Variants in LYPLAL1 observed in about 807,000 individuals in gnomAD.
The protein encoded by LYPLAL1 is lysophospholipase-like protein 1.
A neutral mutation model predicts 19.7 loss-of-function variants in LYPLAL1; 23 were observed. That is an observed-to-expected ratio of 1.17 (90% CI 0.84 to 1.65). The LOEUF is 1.65. LYPLAL1 is among the 40% of genes most tolerant of loss of function. LYPLAL1 has a pLI of 0.00. For synonymous variants in LYPLAL1, 119 were observed against 96.3 expected (o/e 1.24, Z -1.38); for missense variants, 355 against 279.4 (o/e 1.27, Z -1.93).
chr1:219,221,237 G>A, the LYPLAL1 span, among the ~76,000 whole-genome samples: 1 of 152,180 alleles, frequency 6.6e-6, no homozygotes, highest in Non-Finnish European at 1.5e-5. Flanking sequence ...CCACCCAGTG[G>A]ACACCAGCAG....
chr1:219,387,081 T>G, the LYPLAL1 span, among the ~76,000 whole-genome samples: 2 of 152,160 alleles, frequency 1.3e-5, no homozygotes, highest in Admixed American at 6.5e-5. Flanking sequence ...AAATCCTGCA[T>G]AATCTGGACA....
chr1:219,350,109 T>C, the LYPLAL1 span, among the ~76,000 whole-genome samples: 1 of 152,334 alleles, frequency 6.6e-6, no homozygotes, highest in East Asian at 1.9e-4. Context: ...TTCAAATTAA[T>C]TTGTGTGGAT....
chr1:219,210,432 A>T, intron 3 of LYPLAL1, 100 bp from the exon 4 acceptor site: 1 of 820,648 alleles, frequency 1.2e-6, no homozygotes, highest in Non-Finnish European at 1.8e-6. Flanking sequence ...CATTCTCTTT[A>T]AAGGTCTCCA....
the LYPLAL1 span, among the ~76,000 whole-genome samples, chr1:219,241,124 CTCTCTCTCTCTATATATATATATA>C: frequency 1.1e-5 from 1 of 93,362 alleles, no homozygotes; most frequent in Non-Finnish European, 2.3e-5. Flanking sequence ...CTCTCTCTCT[CTCTCTCTCTCTATATATATATATA>C]TATATATATA....
At chr1:219,249,885 T>A in the LYPLAL1 span, among the ~76,000 whole-genome samples, 2 of 152,012 alleles carry the variant, frequency 1.3e-5, no homozygotes, top group African/African-American at 2.4e-5. Flanking sequence ...CATTTGCTTT[T>A]TGTTTGTTTA....
chr1:219,353,547 G>A, the LYPLAL1 span, among the ~76,000 whole-genome samples: 3 of 152,186 alleles, frequency 2.0e-5, no homozygotes, highest in African/African-American at 7.2e-5. Flanking sequence ...AGGACCTCAG[G>A]AGTAAACTAA....
the LYPLAL1 span, among the ~76,000 whole-genome samples, chr1:219,380,070 C>T: frequency 5.3e-5 from 8 of 152,224 alleles, no homozygotes; most frequent in African/African-American, 1.9e-4. Flanking sequence ...GTCTACCATA[C>T]TTACTTCATC....
At chr1:219,320,393 G>A in the LYPLAL1 span, among the ~76,000 whole-genome samples, 2 of 151,848 alleles carry the variant, frequency 1.3e-5, no homozygotes, top group South Asian at 2.1e-4. Context: ...CTTCTTGATC[G>A]TCAAGATTAA....
downstream of LYPLAL1, among the ~76,000 whole-genome samples, chr1:219,216,495 A>G (rs1042424641): frequency 6.6e-6 from 1 of 152,040 alleles, no homozygotes; most frequent in Admixed American, 6.6e-5. Context: ...TTGCCACACT[A>G]CTCAAGCAAT....
chr1:219,202,457 C>A (rs911531298), intron 3 of LYPLAL1, among the ~76,000 whole-genome samples: 1 of 152,114 alleles, frequency 6.6e-6, no homozygotes, highest in African/African-American at 2.4e-5. Flanking sequence ...TTTTTCATTG[C>A]TCCTAGATTA....
the LYPLAL1 span, among the ~76,000 whole-genome samples, chr1:219,325,509 T>C: frequency 2.0e-5 from 3 of 152,208 alleles, no homozygotes; most frequent in Admixed American, 2.0e-4. Flanking sequence ...ATAGCAATAC[T>C]CTATCATCAT....
At chr1:219,252,193 A>C in the LYPLAL1 span, among the ~76,000 whole-genome samples, 1 of 152,028 alleles carries the variant, frequency 6.6e-6, no homozygotes, top group Non-Finnish European at 1.5e-5. Flanking sequence ...GGCTGAGACT[A>C]TGGGATCTTC....
At chr1:219,348,943 A>T in the LYPLAL1 span, among the ~76,000 whole-genome samples, 5 of 152,222 alleles carry the variant, frequency 3.3e-5, no homozygotes, top group Non-Finnish European at 7.3e-5. Flanking sequence ...GGCAATCTCT[A>T]CTATCACCAT....
chr1:219,221,133 G>C, the LYPLAL1 span, among the ~76,000 whole-genome samples: 2 of 152,158 alleles, frequency 1.3e-5, no homozygotes, highest in Non-Finnish European at 2.9e-5. Context: ...AGAGCTGTGA[G>C]AACAGCCTTC....
the LYPLAL1 span, among the ~76,000 whole-genome samples, chr1:219,240,601 C>T: frequency 3.3e-5 from 5 of 152,114 alleles, no homozygotes; most frequent in East Asian, 3.9e-4. Context: ...TAACTTTTTG[C>T]TCCCTATGAT....
the LYPLAL1 span, among the ~76,000 whole-genome samples, chr1:219,367,498 CCT>C: frequency 6.6e-6 from 1 of 151,970 alleles, no homozygotes; most frequent in African/African-American, 2.4e-5. Context: ...AAAATTAACC[CCT>C]TTTTCCATTT....
the LYPLAL1 span, among the ~76,000 whole-genome samples, chr1:219,274,056 G>A: frequency 6.6e-6 from 1 of 152,160 alleles, no homozygotes. Flanking sequence ...CACCACGCCT[G>A]GCCCTGTATG....
At chr1:219,426,019 G>T in the LYPLAL1 span, among the ~76,000 whole-genome samples, 1 of 152,006 alleles carries the variant, frequency 6.6e-6, no homozygotes, top group Admixed American at 6.6e-5. Context: ...TTATGTGCAG[G>T]TGTAAGATCC....
At chr1:219,256,133 TTA>T in the LYPLAL1 span, among the ~76,000 whole-genome samples, 19 of 152,044 alleles carry the variant, frequency 1.2e-4, no homozygotes, top group African/African-American at 4.1e-4. Context: ...AGAAGAGTTT[TTA>T]TAATAACATA....
Sources: gnomAD v4.1 joint callset for allele counts (sites outside exome capture counted in the v4.1 genomes callset) on GRCh38, gnomAD v4.1.1 for gene constraint, MANE v1.5 for transcripts, NCBI Gene and HGNC (gene_info 2026-07-23, HGNC 2026-07-21) for gene names.